The following EPHA5 variants were observed in gnomAD, a reference collection of about 807,000 sequenced individuals.
The protein encoded by EPHA5 is EPH receptor A5.
In EPHA5, 60 loss-of-function variants were observed where a neutral mutation model predicts 105.0. The ratio of observed to expected loss-of-function variants is 0.57; its 90% confidence interval spans 0.46 to 0.71. The LOEUF (loss-of-function observed/expected upper bound fraction) is 0.71, where lower values mean the gene tolerates loss of function less well. EPHA5 is among the 30% of genes least tolerant of loss of function. The pLI, the probability that EPHA5 is intolerant of heterozygous loss-of-function variation, is 0.00. For missense variants in EPHA5, 1,218 were observed against 1,274.7 expected, an observed-to-expected ratio of 0.96 and a Z score of 0.68; for synonymous variants, 513 against 449.1, an observed-to-expected ratio of 1.14 and a Z score of -1.80.
chr4:65,357,546 T>C (rs1291229528), intron 11 of EPHA5, among the ~76,000 whole-genome samples: 1 of 151,456 alleles, frequency 6.6e-6, no homozygotes. Context: ...TTATATATGC[T>C]CATTACCCAC....
intron 3 of EPHA5, among the ~76,000 whole-genome samples, chr4:65,549,132 G>A (rs1265623052): frequency 6.6e-6 from 1 of 152,016 alleles, no homozygotes; most frequent in African/African-American, 2.4e-5. Context: ...CAAACATCAG[G>A]AAGAGAAAAC....
At chr4:65,521,320 A>T (rs1254770533) in intron 3 of EPHA5, among the ~76,000 whole-genome samples, 1 of 152,114 alleles carries the variant, frequency 6.6e-6, no homozygotes, top group Non-Finnish European at 1.5e-5. Context: ...TGGGAATTGA[A>T]CAATGAGAAC....
In EPHA5 at chr4:65,410,824, CAAAT is replaced by C. The variant is rs1291569033; in HGVS notation, c.1687+3456_1687+3459del. Among the ~76,000 whole-genome samples, 12 of 151,918 alleles carry C rather than the reference CAAAT, an allele frequency of 7.9e-5. No individual in the cohort carries two copies. The East Asian group carries it at 2.1e-3, about 27-fold the overall frequency. ...TCATTCAGACTACACAGATTTGAGA[CAAAT>C]AGATATAGTTAGATAAAAGGAAGTG... On this transcript the variant is annotated intron_variant, in intron 7 of 16. Transcript: ENST00000613740.
chr4:65,537,305 A>G (rs1736381447), intron 3 of EPHA5, among the ~76,000 whole-genome samples: 2 of 151,780 alleles, frequency 1.3e-5, no homozygotes, highest in Non-Finnish European at 1.5e-5. Flanking sequence ...TCTTGTAGTT[A>G]CTATATAACT....
chr4:65,378,317 C>T (rs1023649501), intron 8 of EPHA5, among the ~76,000 whole-genome samples: 3 of 151,816 alleles, frequency 2.0e-5, no homozygotes, highest in Admixed American at 6.6e-5. Context: ...ATTATTTTCA[C>T]TGTAGAGATA....
chr4:65,376,022 ACT>A (rs35745814), intron 8 of EPHA5, among the ~76,000 whole-genome samples: 7,584 of 151,852 alleles, frequency 0.05, 338 homozygotes, highest in African/African-American at 0.11. Context: ...GTGTTTGTTC[ACT>A]CTCTCTTCTT....
chr4:65,412,604 TA>T (rs935183435), intron 7 of EPHA5, among the ~76,000 whole-genome samples: 1 of 152,142 alleles, frequency 6.6e-6, no homozygotes, highest in Non-Finnish European at 1.5e-5. Flanking sequence ...CATTAGCTAT[TA>T]AAAATAATGC....
At chr4:65,480,984 A>C (rs1315449018) in intron 5 of EPHA5, among the ~76,000 whole-genome samples, 1 of 152,164 alleles carries the variant, frequency 6.6e-6, no homozygotes, top group Admixed American at 6.6e-5. Flanking sequence ...ACAAGGATCC[A>C]TTTGGTGTTA....
chr4:65,655,372 C>T (rs180792160), intron 1 of EPHA5, among the ~76,000 whole-genome samples: 18 of 152,062 alleles, frequency 1.2e-4, no homozygotes, highest in Admixed American at 9.8e-4. Context: ...GACGAAAATG[C>T]AAGCAACTGC....
In EPHA5 at chr4:65,495,453, G is replaced by A. The variant is rs2149225935; in HGVS notation, c.1001C>T (p.Thr334Ile). The change falls in exon 4 of 17, where the codon ACC (threonine) becomes ATC (isoleucine). Residue 334 changes from threonine (T) to isoleucine (I), a missense_variant. Transcript: ENST00000613740. ...ATAATCCTTTTCACAGACACAAGAGGTTGAAGCTTCCTCATGGGTATAACT... is the reference window on the plus strand; with the variant it reads ...ATAATCCTTTTCACAGACACAAGAGATTGAAGCTTCCTCATGGGTATAACT... ...PHSYTHEEASTSCVCEKDYFR... is the reference protein window; with the variant it reads ...PHSYTHEEASISCVCEKDYFR... 2 of 1,613,904 alleles carry A rather than the reference G, an allele frequency of 1.2e-6. No homozygotes were observed. The highest frequency in any genetic ancestry group is 8.5e-7 in the Non-Finnish European group (1 of 1,179,874).
intron 3 of EPHA5, among the ~76,000 whole-genome samples, chr4:65,592,464 A>G (rs1742758754): frequency 6.6e-6 from 1 of 152,072 alleles, no homozygotes; most frequent in African/African-American, 2.4e-5. Context: ...AGAACCTGAA[A>G]CTTTAAAAAG....
chr4:65,331,232 C>T (rs1217319956), intron 16 of EPHA5: 35 of 1,029,322 alleles, frequency 3.4e-5, no homozygotes, highest in Non-Finnish European at 4.1e-5. Context: ...ACCATAAAGA[C>T]AGTTAATTTT....
At chr4:65,367,281 T>C in intron 9 of EPHA5, 76 bp downstream of exon 9, 1 of 1,263,914 alleles carries the variant, frequency 7.9e-7, no homozygotes, top group Non-Finnish European at 1.1e-6. Context: ...ATAAATCTTG[T>C]AGCCTGAAAA....
At chr4:65,645,630 T>C (rs1748052050) in intron 1 of EPHA5, among the ~76,000 whole-genome samples, 1 of 151,748 alleles carries the variant, frequency 6.6e-6, no homozygotes, top group African/African-American at 2.4e-5. Flanking sequence ...TTTTTTTTCC[T>C]GGAAAATATG....
intron 5 of EPHA5, among the ~76,000 whole-genome samples, chr4:65,486,378 A>T (rs1213195308): frequency 6.6e-6 from 1 of 151,632 alleles, no homozygotes; most frequent in Non-Finnish European, 1.5e-5. Context: ...CGTGTTACTG[A>T]ATTTATTATG....
intron 3 of EPHA5, among the ~76,000 whole-genome samples, chr4:65,584,330 T>C (rs1363880146): frequency 6.6e-6 from 1 of 151,928 alleles, no homozygotes. Flanking sequence ...CAATCTTTAA[T>C]GTCTTAACTA....
At chr4:65,429,325 T>C (rs1488595274) in intron 5 of EPHA5, among the ~76,000 whole-genome samples, 1 of 152,048 alleles carries the variant, frequency 6.6e-6, no homozygotes, top group Admixed American at 6.6e-5. Flanking sequence ...CATTATGGAA[T>C]ACTGCAGTTT....
chr4:65,476,099 T>TGAGAGAGAGA (rs35934629), intron 5 of EPHA5, among the ~76,000 whole-genome samples: 21 of 138,226 alleles, frequency 1.5e-4, no homozygotes, highest in African/African-American at 4.2e-4. Context: ...TCAAAATCAC[T>TGAGAGAGAGA]GAGAGAGAGA....
intron 5 of EPHA5, among the ~76,000 whole-genome samples, chr4:65,469,962 T>C (rs1348956320): frequency 6.6e-6 from 1 of 151,932 alleles, no homozygotes; most frequent in Non-Finnish European, 1.5e-5. Context: ...AAAGCCAAAA[T>C]AGCCATTAGG....
Sources: gnomAD v4.1 joint callset for allele counts (sites outside exome capture counted in the v4.1 genomes callset) on GRCh38, gnomAD v4.1.1 for gene constraint, MANE v1.5 for transcripts, NCBI Gene and HGNC (gene_info 2026-07-23, HGNC 2026-07-21) for gene names.